The following SYP variants were observed in gnomAD, a reference collection of about 807,000 sequenced individuals.
SYP encodes the protein synaptophysin, also known as major synaptic vesicle protein P38.
In SYP, 2 loss-of-function variants were observed where a neutral mutation model predicts 24.3. The observed-to-expected ratio is 0.08, with a 90% confidence interval of 0.03 to 0.26. The LOEUF is 0.26. SYP is among the 10% of genes least tolerant of loss of function. The pLI, the probability that SYP is intolerant of heterozygous loss-of-function variation, is 1.00. For missense variants in SYP, 216 were observed against 266.3 expected (o/e 0.81, Z 1.32); for synonymous variants, 143 against 123.2 (o/e 1.16, Z -1.07).
Position 49,188,206 on chromosome X carries a change from G to A in SYP, c.*1081C>T, listed in dbSNP as rs1473246687. The A allele has an allele frequency of 1.8e-5, 2 of 110,592 alleles. No individual in the cohort carries two copies. Among genetic ancestry groups the A allele is most frequent in the African/African-American group, 3.3e-5 (1 of 30,273 alleles). 9.1% of individuals were successfully genotyped at this position (110,592 alleles called of 1,213,427 possible). On this transcript the variant is annotated 3_prime_UTR_variant, in exon 7 of 7. Transcript: ENST00000263233. ...TGGGGTGCTTCTCTCTGGATCCCAC[G>A]CCTCACCCTACAAGCCATATCACTC...
Position 49,193,887 on chromosome X carries a change from T to C in SYP, c.423+279A>G, listed in dbSNP as rs781836269. Among the ~76,000 whole-genome samples the C allele has an allele frequency of 1.2e-4, 13 of 111,770 alleles. No individual in the cohort carries two copies. In the South Asian group the frequency reaches 4.9e-3, roughly 42 times the overall value. On this transcript the variant is annotated intron_variant, in intron 4 of 6. Coordinates refer to ENST00000263233, the MANE Select transcript of SYP (RefSeq NM_003179.3). ...GTCACAGCGAACCTCTGTGGGCCTC[T>C]TCCTTTGATCTAGGCTGTGTAGTTG... is the stretch of plus-strand genomic sequence containing the variant.
At chrX:49,195,254 C>A (rs1179615626) in intron 3 of SYP, among the ~76,000 whole-genome samples, 1 of 108,897 alleles carries the variant, frequency 9.2e-6, no homozygotes, top group Non-Finnish European at 1.9e-5. Context: ...CTCCGTTTAT[C>A]TCCAGGCCCT....
chrX:49,194,479 C>T, intron 3 of SYP, 118 bp from the exon 4 acceptor site: 1 of 661,092 alleles, frequency 1.5e-6, no homozygotes, highest in Non-Finnish European at 2.3e-6. Context: ...AATAACCATT[C>T]ATCGAGCACC....
intron 3 of SYP, among the ~76,000 whole-genome samples, chrX:49,195,762 G>A (rs1557103315): frequency 9.0e-6 from 1 of 111,403 alleles, no homozygotes; most frequent in Non-Finnish European, 1.9e-5. Flanking sequence ...GAGGGAAGAG[G>A]CTTGCACTTA....
At chrX:49,194,454 C>T in intron 3 of SYP, 93 bp from the exon 4 acceptor site, 1 of 879,875 alleles carries the variant, frequency 1.1e-6, no homozygotes, top group Non-Finnish European at 1.6e-6. Context: ...TGACAAGGCC[C>T]CAGGAAGAGG....
intron 6 of SYP, chrX:49,190,497 T>TCTTTCTTTTCTTTCTTTCTTTC (rs201299330): frequency 9.9e-6 from 1 of 100,882 alleles, no homozygotes; most frequent in African/African-American, 3.7e-5. Context: ...TTTCTTTCTT[T>TCTTTCTTTTCTTTCTTTCTTTC]TTTTCTTCCT....
chrX:49,200,060 G>A (rs1309330833), intron 1 of SYP, 91 bp downstream of exon 1: 2 of 1,095,885 alleles, frequency 1.8e-6, no homozygotes, highest in African/African-American at 3.7e-5. Flanking sequence ...GCCAGACCCT[G>A]GCCACCACCT....
intron 2 of SYP, 112 bp from the exon 3 acceptor site, chrX:49,197,951 T>TCCCCAC (rs2065534557): frequency 3.9e-6 from 4 of 1,021,838 alleles, no homozygotes; most frequent in Non-Finnish European, 4.1e-6. Flanking sequence ...GATGGAGCAG[T>TCCCCAC]CCCCACCCCC....
rs1366057788 is a variant in SYP at position 49,191,809 on chromosome X, G to C, written c.616-46C>G. 4 of 1,154,658 alleles carry C rather than the reference G, an allele frequency of 3.5e-6. No individual in the cohort carries two copies. The Admixed American group carries it at 9.5e-5, about 27-fold the overall frequency. The stretch of plus-strand genomic sequence containing the variant: ...GCTGTGGTACCCCGCCCATTGCCTT[G>C]GCGGCCCTGCGTGCAGGAATGAGCA... On this transcript the variant is annotated intron_variant, in intron 5 of 6. Coordinates refer to ENST00000263233, the MANE Select transcript of SYP (RefSeq NM_003179.3).
rs188305472 is a variant in SYP, at chrX:49,191,315, C to T, written c.*4+118G>A. 6.9e-6 allele frequency: 6 copies of T among 869,536 alleles called. No homozygotes were observed. In the African/African-American group the frequency reaches 8.0e-5, roughly 12 times the overall value. 71.7% of individuals were successfully genotyped at this position (869,536 alleles called of 1,213,427 possible). ...TTGATTGGCTCCTTCAAACTTCAGT[C>T]CTTACTTGCCCCAGTAAACGCCTTA... is the stretch of plus-strand genomic sequence containing the variant. On this transcript the variant is annotated intron_variant, in intron 6 of 6. Coordinates refer to ENST00000263233, the MANE Select transcript of SYP (RefSeq NM_003179.3).
intron 4 of SYP, 73 bp downstream of exon 4, chrX:49,194,093 C>A: frequency 8.7e-7 from 1 of 1,145,573 alleles, no homozygotes; most frequent in South Asian, 1.8e-5. Context: ...TTGGTGTGGT[C>A]TGTGAGCATG....
chrX:49,190,572 G>A (rs2065503626), intron 6 of SYP: 1 of 103,812 alleles, frequency 9.6e-6, no homozygotes, highest in African/African-American at 3.6e-5. Context: ...AGGCTGGAGT[G>A]CAGTGGCAGG....
At chrX:49,192,358 T>C (rs1009888679) in intron 5 of SYP, among the ~76,000 whole-genome samples, 5 of 111,720 alleles carry the variant, frequency 4.5e-5, no homozygotes, top group Non-Finnish European at 9.4e-5. Context: ...CCACACCAGC[T>C]AATTTTGTAT....
rs782428065 is a variant in SYP, at chrX:49,193,306, C to T, written c.581G>A (p.Arg194Lys). 1.6e-6 allele frequency: 2 copies of T among 1,212,311 alleles called. No homozygotes were observed. The highest frequency in any genetic ancestry group is 2.2e-6 in the Non-Finnish European group (2 of 895,609). ...RQTGNTCKEL[R>K]DPVTSGLNTS... Reference sequence around the variant, plus strand: ...GTTGAGTCCCGAGGTCACAGGGTCTCTCAGCTCCTTGCATGTGTTCCCTGT... The same window carrying T: ...GTTGAGTCCCGAGGTCACAGGGTCTTTCAGCTCCTTGCATGTGTTCCCTGT... Residue 194 changes from arginine to lysine, a missense_variant, in exon 5 of 7, where the codon AGA becomes AAA. Arg to Lys is a conservative substitution (Grantham distance 26, BLOSUM62 2). Coordinates refer to ENST00000263233, the MANE Select transcript of SYP (RefSeq NM_003179.3).
At position 49,200,180 on chromosome X, in the gene SYP, G is replaced by A; in HGVS notation, c.7C>T (p.Leu3=). 1 of 1,165,200 alleles carries A rather than the reference G, an allele frequency of 8.6e-7. No homozygotes were observed. Among genetic ancestry groups the A allele is most frequent in the African/African-American group, 1.8e-5 (1 of 56,118 alleles). The change falls in exon 1 of 7, where the codon CTG becomes TTG. Residue 3 remains leucine, a synonymous_variant. Transcript: ENST00000263233. ...TTCACCACGTCCATGTCCGCCAGCA[G>A]CAGCATCAGCAATGCAGGGGGCGGG... ML[L]LADMDVVNQL...
intron 6 of SYP, among the ~76,000 whole-genome samples, chrX:49,189,697 G>A (rs1361980998): frequency 1.8e-5 from 2 of 110,993 alleles, no homozygotes; most frequent in East Asian, 2.8e-4. Flanking sequence ...AGCTGGGCAT[G>A]GTCGCTCACA....
At chrX:49,197,366 T>C in intron 3 of SYP, 1 of 229,300 alleles carries the variant, frequency 4.4e-6, no homozygotes, top group Non-Finnish European at 8.0e-6. Context: ...AAAATGTGTA[T>C]AGAATGAATG....
intron 3 of SYP, among the ~76,000 whole-genome samples, chrX:49,195,099 C>T (rs1169199427): frequency 2.7e-5 from 3 of 111,254 alleles, no homozygotes; most frequent in Non-Finnish European, 5.7e-5. Flanking sequence ...AACATTCTCT[C>T]AACCAGCACT....
At chrX:49,196,846 A>G (rs2065529765) in intron 3 of SYP, among the ~76,000 whole-genome samples, 1 of 111,722 alleles carries the variant, frequency 9.0e-6, no homozygotes, top group African/African-American at 3.3e-5. Context: ...ATTGGGTTTA[A>G]TTTTTCCCTA....
Sources: allele counts gnomAD v4.1 joint callset (sites outside exome capture counted in the v4.1 genomes callset), GRCh38; gene constraint gnomAD v4.1.1; transcripts MANE v1.5; gene names NCBI Gene and HGNC (gene_info 2026-07-23, HGNC 2026-07-21).